C3: variants seen among roughly 807,000 people sequenced by gnomAD.
The protein encoded by C3 is complement C3, also known as C3 and PZP-like alpha-2-macroglobulin domain-containing protein 1.
A neutral mutation model predicts 207.9 loss-of-function variants in C3; 97 were observed. The ratio of observed to expected loss-of-function variants is 0.47; its 90% CI spans 0.40 to 0.55. C3 has a LOEUF of 0.55. Ranked by LOEUF, C3 falls within the 20% of genes least tolerant of loss-of-function variation. The probability of loss-of-function intolerance (pLI) is 0.00; values close to 1 mark genes in which losing one functional copy is unlikely to be tolerated. For missense variants in C3, 1,684 were observed against 2,171.7 expected (o/e 0.78, Z 4.46); for synonymous variants, 848 against 857.6 (o/e 0.99, Z 0.20).
In C3 at chr19:6,714,099, G is replaced by A. The variant is rs754478123; in HGVS notation, c.683-17C>T. On this transcript the variant is annotated splice_polypyrimidine_tract_variant and intron_variant, in intron 6 of 40. Coordinates refer to ENST00000245907, the MANE Select transcript of C3 (RefSeq NM_000064.4). ...TGGGCAGCACTGGGGGAGAGATGGC[G>A]TTGGTGGGGCCGGCGCTGGGCCAGG... The A allele has an allele frequency of 1.2e-5, 19 of 1,610,930 alleles. No homozygotes were observed. The highest frequency in any genetic ancestry group is 1.1e-4 in the African/African-American group (8 of 74,508).
At chr19:6,685,405 C>T (rs1917979405) in intron 29 of C3, among the ~76,000 whole-genome samples, 1 of 152,168 alleles carries the variant, frequency 6.6e-6, no homozygotes, top group South Asian at 2.1e-4. Flanking sequence ...AAATGTAAGA[C>T]TGAATGTCTA....
Position 6,707,888 on chromosome 19 carries a change from C to A in C3, c.1887G>T (p.Pro629=). The change falls in exon 15 of 41, where the codon CCG becomes CCT. Residue 629 remains proline, a synonymous_variant. Coordinates refer to ENST00000245907, the MANE Select transcript of C3 (RefSeq NM_000064.4). Reference sequence around the variant, plus strand: ...CACCGGCGTAATCCTTCCCACTGCCCGGGGTGCAGCCGATGTCTGCCTTCT... The same window carrying A: ...CACCGGCGTAATCCTTCCCACTGCCAGGGGTGCAGCCGATGTCTGCCTTCT... The part of the protein sequence containing the change: ...VVEKADIGCT[P]GSGKDYAGVF... 6.2e-7 allele frequency: 1 copy of A among 1,613,950 alleles called. No homozygotes were observed. Among genetic ancestry groups the A allele is most frequent in the South Asian group, 1.1e-5 (1 of 91,086 alleles).
At chr19:6,710,560 AGAG>A (rs1967896574) in intron 13 of C3, 76 bp downstream of exon 13, 1 of 1,066,384 alleles carries the variant, frequency 9.4e-7, no homozygotes, top group Non-Finnish European at 1.4e-6. Flanking sequence ...AGAGAGAGAG[AGAG>A]AGGAGACAGG....
chr19:6,682,295 G>GACCTCCTTGTCCAGGA, intron 33 of C3, 66 bp from the exon 34 acceptor site: 1 of 1,226,044 alleles, frequency 8.2e-7, no homozygotes, highest in Non-Finnish European at 1.2e-6. Context: ...TCTGTTCCTG[G>GACCTCCTTGTCCAGGA]ACAAGGAGGT....
At position 6,713,213 on chromosome 19, in the gene C3, A is replaced by T; in HGVS notation, c.979T>A (p.Ser327Thr). The change falls in exon 9 of 41, where the codon TCT (serine) becomes ACT (threonine). Residue 327 changes from serine to threonine, a missense_variant. Transcript: ENST00000245907. ...EDLVGKSLYV[S>T]ATVILHSGSD... The stretch of plus-strand genomic sequence containing the variant: ...CCTGAGTGCAAGATGACGGTGGCAG[A>T]CACGTACAAAGACTTCCCCACCAGG... The T allele has an allele frequency of 6.2e-7, 1 of 1,613,708 alleles. No homozygotes were observed. The highest frequency in any genetic ancestry group is 8.5e-7 in the Non-Finnish European group (1 of 1,180,002).
chr19:6,686,237 T>C lies in C3; in HGVS notation c.3697A>G (p.Thr1233Ala). The C allele has an allele frequency of 6.2e-7, 1 of 1,614,210 alleles. No homozygotes were observed. The highest frequency in any genetic ancestry group is 1.1e-5 in the South Asian group (1 of 91,084). The change falls in exon 29 of 41, where the codon ACA (threonine) becomes GCA (alanine). Residue 1233 changes from threonine (T) to alanine (A), a missense_variant. By Grantham distance (58) the Thr-to-Ala change is moderately conservative. Coordinates refer to ENST00000245907, the MANE Select transcript of C3 (RefSeq NM_000064.4). Reference protein sequence around the residue: ...PGKQLYNVEATSYALLALLQL... With the variant: ...PGKQLYNVEAASYALLALLQL... ...AGTAGGGCCAAGAGGGCATAGGATGTGGCCTCCACGTTGTAGAGCTGCTTA... is the reference window on the plus strand; with the variant it reads ...AGTAGGGCCAAGAGGGCATAGGATGCGGCCTCCACGTTGTAGAGCTGCTTA...
At position 6,712,398 on chromosome 19, in the gene C3, C is replaced by A. The variant is rs1457956263; in HGVS notation, c.1128G>T (p.Val376=). ...AGGCTGGAGAGCCATCAGGGTTCGTCACGAACACCTGTGATGTGGGGTGCA... is the reference window on the plus strand; with the variant it reads ...AGGCTGGAGAGCCATCAGGGTTCGTAACGAACACCTGTGATGTGGGGTGCA... ...PGMPFDLMVF[V]TNPDGSPAYR... is the part of the protein sequence containing the mutation. Residue 376 remains valine, a synonymous_variant, in exon 11 of 41, where the codon GTG becomes GTT. Coordinates refer to ENST00000245907, the MANE Select transcript of C3 (RefSeq NM_000064.4). The A allele has an allele frequency of 1.2e-6, 2 of 1,614,026 alleles. No individual in the cohort carries two copies. The highest frequency in any genetic ancestry group is 1.3e-5 in the African/African-American group (1 of 74,912).
Position 6,711,092 on chromosome 19 carries a change from G to C in C3, c.1374C>G (p.Leu458=). 6.2e-7 allele frequency: 1 copy of C among 1,614,178 alleles called. No individual in the cohort carries two copies. Among genetic ancestry groups the C allele is most frequent in the Non-Finnish European group, 8.5e-7 (1 of 1,180,020 alleles). The part of the protein sequence containing the change: ...TVGNSNNYLH[L]SVLRTELRPG... ...GTCTGAGCTCTGTACGTAGCACTGA[G>C]AGATGCAGGTAATTGTTGGAGTTGC... The change falls in exon 12 of 41, where the codon CTC becomes CTG. Residue 458 remains leucine (L), a synonymous_variant. Transcript: ENST00000245907.
At chr19:6,718,916 G>GGGTCTC in intron 2 of C3, among the ~76,000 whole-genome samples, 1 of 145,604 alleles carries the variant, frequency 6.9e-6, no homozygotes, top group Non-Finnish European at 1.5e-5. Flanking sequence ...AGAAGGGGAG[G>GGGTCTC]AGTCTCAGAA....
At chr19:6,700,215 T>G (rs62125104) in intron 19 of C3, among the ~76,000 whole-genome samples, 81,444 of 115,582 alleles carry the variant, frequency 0.7, 29,603 homozygotes, top group East Asian at 0.87. Context: ...ATGTATATAT[T>G]ACATATATAT....
rs112132860 is a variant in C3, at chr19:6,710,573, GGAGA to G, written c.1686+62_1686+65del. The G allele has an allele frequency of 6.5e-3, 6,403 of 980,056 alleles. 1 individual carries two copies. The highest frequency in any genetic ancestry group is 0.016 in the South Asian group (951 of 61,254). 60.7% of individuals were successfully genotyped at this position (980,056 alleles called of 1,614,324 possible). On this transcript the variant is annotated intron_variant, in intron 13 of 40. Coordinates refer to ENST00000245907, the MANE Select transcript of C3 (RefSeq NM_000064.4). ...GGAGAGAGAGAGAGAGAGGAGACAG[GGAGA>G]GAGAGAGAGAGAGAGGAGTAGGGAG...
At chr19:6,688,168 C>T (rs1459862751) in intron 27 of C3, among the ~76,000 whole-genome samples, 1 of 150,400 alleles carries the variant, frequency 6.6e-6, no homozygotes, top group African/African-American at 2.5e-5. Context: ...GAGTCTCGCT[C>T]TGGCCCAGGC....
rs753095759 is a variant in C3 at position 6,678,209 on chromosome 19, T to G, written c.4793A>C (p.Glu1598Ala). 6.2e-7 allele frequency: 1 copy of G among 1,614,142 alleles called. No individual in the cohort carries two copies. The highest frequency in any genetic ancestry group is 1.1e-5 in the South Asian group (1 of 91,090). ...ACCCCACATGAGGTAGTGTTTCTTC[T>G]CCTCCAGCTTCAGGGCTTCTCTGCA... ...IKCREALKLE[E>A]KKHYLMWGLS... is the part of the protein sequence containing the mutation. Residue 1598 changes from glutamate (E) to alanine (A), a missense_variant, in exon 40 of 41, where the codon GAG becomes GCG. Coordinates refer to ENST00000245907, the MANE Select transcript of C3 (RefSeq NM_000064.4).
intron 17 of C3, among the ~76,000 whole-genome samples, chr19:6,703,841 G>A (rs567113520): frequency 6.6e-6 from 1 of 151,840 alleles, no homozygotes; most frequent in Admixed American, 6.6e-5. Context: ...CCAGCTACTC[G>A]GGAGGCTGAG....
intron 27 of C3, among the ~76,000 whole-genome samples, chr19:6,687,768 G>C (rs1918046739): frequency 1.3e-5 from 2 of 152,102 alleles, no homozygotes; most frequent in South Asian, 2.1e-4. Context: ...ATGAGTTTGA[G>C]TGTTTCTAAC....
At chr19:6,696,710 C>A (rs954176654) in intron 21 of C3, 51 bp from the exon 22 acceptor site, 1 of 1,527,004 alleles carries the variant, frequency 6.5e-7, no homozygotes. Flanking sequence ...AAAGAACAGA[C>A]AGACACACAG....
chr19:6,701,215 GATGAGC>G (rs1385081104), intron 19 of C3, among the ~76,000 whole-genome samples: 15 of 152,180 alleles, frequency 9.9e-5, no homozygotes, highest in African/African-American at 3.6e-4. Flanking sequence ...TTTCCCCGAT[GATGAGC>G]ATGTGCACTG....
Position 6,694,561 on chromosome 19 carries a change from C to T in C3, c.3024G>A (p.Ser1008=), listed in dbSNP as rs779366181. The change falls in exon 24 of 41, where the codon TCG becomes TCA. Residue 1008 remains serine, a synonymous_variant. Coordinates refer to ENST00000245907, the MANE Select transcript of C3 (RefSeq NM_000064.4). ...CGATCATGTTCTGTTCCCCGCAGCC[C>T]GAGGGGGTCACAATGAGGTGCTTCA... The part of the protein sequence containing the change: ...ERLKHLIVTP[S]GCGEQNMIGM... The T allele has an allele frequency of 5.6e-6, 9 of 1,613,932 alleles. No individual in the cohort carries two copies. In the Admixed American group the frequency reaches 6.7e-5, roughly 12 times the overall value.
chr19:6,682,498 C>T, intron 33 of C3: 1 of 435,932 alleles, frequency 2.3e-6, no homozygotes, highest in Admixed American at 3.6e-5. Context: ...ATTATTTGAC[C>T]CTCCATGCTT....
Sources: gnomAD v4.1 joint callset for allele counts (sites outside exome capture counted in the v4.1 genomes callset) on GRCh38, gnomAD v4.1.1 for gene constraint, MANE v1.5 for transcripts, NCBI Gene and HGNC (gene_info 2026-07-23, HGNC 2026-07-21) for gene names.